Variants in ADAMTS17 observed in about 807,000 individuals in gnomAD.
ADAMTS17 encodes ADAM metallopeptidase with thrombospondin type 1 motif 17, also known as A disintegrin and metalloproteinase with thrombospondin motifs 17.
ADAMTS17 carries 113 observed loss-of-function variants against 141.5 expected under a neutral mutation model. That is an observed-to-expected ratio of 0.80 (90% CI 0.69 to 0.93). ADAMTS17 has a LOEUF of 0.93. Ranked by LOEUF, ADAMTS17 falls within the 40% of genes least tolerant of loss-of-function variation. ADAMTS17 has a pLI of 0.00. For missense variants in ADAMTS17, 1,659 were observed against 1,517.9 expected, an observed-to-expected ratio of 1.09 and a Z score of -1.54; for synonymous variants, 768 against 630.6, an observed-to-expected ratio of 1.22 and a Z score of -3.27.
At chr15:100,162,356 T>A (rs1389108873) in intron 8 of ADAMTS17, among the ~76,000 whole-genome samples, 1 of 148,450 alleles carries the variant, frequency 6.7e-6, no homozygotes, top group Admixed American at 6.8e-5. Context: ...TACCTATATA[T>A]AACTATATAG....
intron 7 of ADAMTS17, among the ~76,000 whole-genome samples, 162 bp from the exon 8 acceptor site, chr15:100,199,585 T>C (rs1210587447): frequency 6.6e-6 from 1 of 152,164 alleles, no homozygotes; most frequent in Non-Finnish European, 1.5e-5. Context: ...GTATGATGCT[T>C]TTGTGTTCAC....
At chr15:100,297,443 C>T (rs1029229880) in intron 3 of ADAMTS17, among the ~76,000 whole-genome samples, 7 of 152,068 alleles carry the variant, frequency 4.6e-5, no homozygotes, top group East Asian at 1.9e-4. Flanking sequence ...AAGGTGAAAA[C>T]GGACAATATC....
chr15:100,164,654 C>T (rs535025859), intron 8 of ADAMTS17, among the ~76,000 whole-genome samples: 24 of 152,240 alleles, frequency 1.6e-4, no homozygotes, highest in Non-Finnish European at 2.9e-4. Context: ...AGAGCTGTGG[C>T]CTAAGGAGGG....
At chr15:99,984,831 T>C (rs114891136) in intron 20 of ADAMTS17, among the ~76,000 whole-genome samples, 41 of 152,342 alleles carry the variant, frequency 2.7e-4, no homozygotes, top group African/African-American at 8.7e-4. Context: ...GATTAGAACC[T>C]AGACTGTGGT....
intron 14 of ADAMTS17, among the ~76,000 whole-genome samples, chr15:100,100,045 C>T (rs191453396): frequency 1.1e-4 from 16 of 152,262 alleles, no homozygotes; most frequent in African/African-American, 2.9e-4. Context: ...CTACAGCGTC[C>T]GCTGTGTGTA....
At chr15:100,113,153 C>G (rs1033101836) in intron 13 of ADAMTS17, among the ~76,000 whole-genome samples, 1 of 152,174 alleles carries the variant, frequency 6.6e-6, no homozygotes, top group African/African-American at 2.4e-5. Flanking sequence ...GCAGTGAGCA[C>G]CTGCCCATAG....
At chr15:100,204,967 G>C (rs2041476249) in intron 7 of ADAMTS17, among the ~76,000 whole-genome samples, 1 of 152,206 alleles carries the variant, frequency 6.6e-6, no homozygotes, top group Non-Finnish European at 1.5e-5. Flanking sequence ...GGCCTTGCAG[G>C]CTAATTCAGT....
intron 14 of ADAMTS17, among the ~76,000 whole-genome samples, chr15:100,099,751 G>T (rs1433873486): frequency 7.3e-6 from 1 of 136,880 alleles, no homozygotes; most frequent in African/African-American, 2.8e-5. Flanking sequence ...GGTATGAGAT[G>T]GTATGAGATG....
chr15:100,331,316 GA>G (rs1179874928), intron 2 of ADAMTS17, among the ~76,000 whole-genome samples: 1 of 152,178 alleles, frequency 6.6e-6, no homozygotes, highest in Admixed American at 6.5e-5. Context: ...GGCTTTCAGA[GA>G]AGATGAACTA....
At chr15:100,010,320 GAA>G (rs1308271355) in intron 18 of ADAMTS17, among the ~76,000 whole-genome samples, 1 of 152,212 alleles carries the variant, frequency 6.6e-6, no homozygotes, top group East Asian at 1.9e-4. Flanking sequence ...TGTGAGGACT[GAA>G]TGATAAGTAA....
chr15:100,151,449 A>C (rs1446995065), intron 10 of ADAMTS17, among the ~76,000 whole-genome samples: 2 of 152,162 alleles, frequency 1.3e-5, no homozygotes, highest in Non-Finnish European at 2.9e-5. Flanking sequence ...GCTAATGGGC[A>C]TTGGGACCGC....
intron 7 of ADAMTS17, among the ~76,000 whole-genome samples, chr15:100,229,263 T>G (rs1308767508): frequency 6.6e-6 from 1 of 152,064 alleles, no homozygotes; most frequent in Non-Finnish European, 1.5e-5. Context: ...TCACTCTCCC[T>G]CCTAGGTAGC....
chr15:99,977,388 A>T (rs1356972568), intron 20 of ADAMTS17, among the ~76,000 whole-genome samples: 460 of 9,874 alleles, frequency 0.047, 111 homozygotes, highest in African/African-American at 0.1. Flanking sequence ...ATATATATAT[A>T]TATATATATA....
chr15:100,211,655 C>A (rs1294269682), intron 7 of ADAMTS17, among the ~76,000 whole-genome samples: 3 of 152,082 alleles, frequency 2.0e-5, no homozygotes, highest in African/African-American at 7.2e-5. Flanking sequence ...ACTTCTATGT[C>A]ATAAAAGGTA....
At chr15:100,165,977 C>T (rs2039936737) in intron 8 of ADAMTS17, among the ~76,000 whole-genome samples, 1 of 152,018 alleles carries the variant, frequency 6.6e-6, no homozygotes, top group Non-Finnish European at 1.5e-5. Context: ...TATAAAAAGT[C>T]ATTCTAATTT....
At chr15:100,076,924 A>AT (rs937335556) in intron 15 of ADAMTS17, among the ~76,000 whole-genome samples, 3 of 152,010 alleles carry the variant, frequency 2.0e-5, no homozygotes, top group African/African-American at 7.3e-5. Context: ...GTATAGCTCT[A>AT]TTTTTTTGCT....
chr15:100,325,448 G>A lies in ADAMTS17; in HGVS notation c.616+5441C>T, dbSNP rs571020512. Among the ~76,000 whole-genome samples the A allele has an allele frequency of 1.8e-4, 28 of 152,328 alleles. No individual in the cohort carries two copies. The South Asian group carries it at 5.8e-3, about 32-fold the overall frequency. Reference sequence around the variant, plus strand: ...GACATGCAGAGAGATAAGACCATGTGAAGACACAGGGAGAGGACGGCCAAT... The same window carrying A: ...GACATGCAGAGAGATAAGACCATGTAAAGACACAGGGAGAGGACGGCCAAT... On this transcript the variant is annotated intron_variant, in intron 3 of 21. Transcript: ENST00000268070.
At chr15:100,194,659 A>G (rs896613820) in intron 8 of ADAMTS17, among the ~76,000 whole-genome samples, 2 of 152,244 alleles carry the variant, frequency 1.3e-5, no homozygotes, top group African/African-American at 4.8e-5. Context: ...CCTATCTGAG[A>G]GAAACAAATG....
chr15:100,015,468 AT>A (rs2061270976), intron 18 of ADAMTS17, among the ~76,000 whole-genome samples: 1 of 151,500 alleles, frequency 6.6e-6, no homozygotes, highest in African/African-American at 2.4e-5. Context: ...GTCCTGTGTG[AT>A]TTATGCTTTA....
Sources: allele counts gnomAD v4.1 joint callset (sites outside exome capture counted in the v4.1 genomes callset), GRCh38; gene constraint gnomAD v4.1.1; transcripts MANE v1.5; gene names NCBI Gene and HGNC (gene_info 2026-07-23, HGNC 2026-07-21).